The following KALRN variants were observed in gnomAD, a reference collection of about 807,000 sequenced individuals.
KALRN encodes kalirin RhoGEF kinase, also known as kalirin.
Under a neutral mutation model 353.7 loss-of-function variants are expected in KALRN, and 70 were observed. That is an observed-to-expected ratio of 0.20 (90% CI 0.16 to 0.24). The LOEUF is 0.24. Ranked by LOEUF, KALRN falls within the 10% of genes least tolerant of loss-of-function variation. The pLI is 1.00. For missense variants in KALRN, 2,791 were observed against 3,756.7 expected, an observed-to-expected ratio of 0.74 and a Z score of 6.72; for synonymous variants, 1,391 against 1,434.8, an observed-to-expected ratio of 0.97 and a Z score of 0.69.
At chr3:124,564,189 A>C (rs1210251181) in intron 34 of KALRN, among the ~76,000 whole-genome samples, 17 of 131,442 alleles carry the variant, frequency 1.3e-4, no homozygotes, top group Admixed American at 5.9e-4. Context: ...TGGGCGACAG[A>C]GCGAAACTCC....
chr3:124,569,071 T>C (rs1401602537), intron 34 of KALRN, among the ~76,000 whole-genome samples: 1 of 152,194 alleles, frequency 6.6e-6, no homozygotes, highest in Non-Finnish European at 1.5e-5. Context: ...AGGACACCTG[T>C]GTTCCTTTTC....
chr3:124,683,688 A>G (rs1352213304), intron 51 of KALRN, among the ~76,000 whole-genome samples: 2 of 152,228 alleles, frequency 1.3e-5, no homozygotes, highest in Non-Finnish European at 2.9e-5. Context: ...GCCATTCAAC[A>G]TGCCACTGGC....
At chr3:124,284,515 C>G (rs1472209632) in intron 5 of KALRN, among the ~76,000 whole-genome samples, 1 of 152,220 alleles carries the variant, frequency 6.6e-6, no homozygotes, top group African/African-American at 2.4e-5. Flanking sequence ...CCTATCTCTG[C>G]CAAGTTGGAC....
rs2063797258 is a variant in KALRN, at chr3:124,496,015, ACACAC to A, written c.4833-295_4833-291del. 1.8e-4 allele frequency among the ~76,000 whole-genome samples: 6 copies of A among 33,956 alleles called. 1 individual carries two copies. The East Asian group carries it at 6.5e-3, about 37-fold the overall frequency. 22.3% of individuals were successfully genotyped at this position (33,956 alleles called of 152,430 possible). On this transcript the variant is annotated intron_variant, in intron 32 of 59. Transcript: ENST00000682506. ...TATATATATATATATATATATATAC[ACACAC>A]ATATATACATACATACACCCCCTCT...
chr3:124,646,659 G>A (rs1438973153), intron 37 of KALRN, among the ~76,000 whole-genome samples: 2 of 149,978 alleles, frequency 1.3e-5, no homozygotes, highest in Non-Finnish European at 3.0e-5. Flanking sequence ...CCAAAGTGTT[G>A]GGATTACGGG....
In KALRN at chr3:124,719,483, C is replaced by G. The variant is rs763064089; in HGVS notation, c.*13C>G. ...CCAAGGGACGTAGCCATCTCCCAGC[C>G]CCTATGGTTTCACATAGACGTGCAG... On this transcript the variant is annotated 3_prime_UTR_variant, in exon 60 of 60. Transcript: ENST00000682506. This position sits in a 1 kb window ranked among gnomAD's most constrained non-coding sequence, Gnocchi z 5.3. 1 of 1,604,420 alleles carries G rather than the reference C, an allele frequency of 6.2e-7. No individual in the cohort carries two copies. The highest frequency in any genetic ancestry group is 1.3e-5 in the African/African-American group (1 of 74,790).
At chr3:124,042,739 G>C (rs1396679640) in intron 1 of KALRN, among the ~76,000 whole-genome samples, 1 of 152,126 alleles carries the variant, frequency 6.6e-6, no homozygotes, top group Non-Finnish European at 1.5e-5. Flanking sequence ...TGGAGAATTT[G>C]CTTTGGGACA....
chr3:124,366,408 T>A (rs2084698058), intron 10 of KALRN, among the ~76,000 whole-genome samples: 1 of 149,188 alleles, frequency 6.7e-6, no homozygotes, highest in Non-Finnish European at 1.5e-5. Flanking sequence ...TGATGACTCT[T>A]AACGAGCATG....
chr3:124,126,234 C>G (rs938313553), intron 1 of KALRN, among the ~76,000 whole-genome samples: 3 of 151,648 alleles, frequency 2.0e-5, no homozygotes, highest in Admixed American at 6.6e-5. Flanking sequence ...GTGAAATTTT[C>G]CAAACTTGAA....
intron 37 of KALRN, among the ~76,000 whole-genome samples, chr3:124,648,804 G>C (rs1288680048): frequency 6.6e-6 from 1 of 152,196 alleles, no homozygotes; most frequent in East Asian, 1.9e-4. Flanking sequence ...GGCACCAGGA[G>C]ACATGTCATT....
At chr3:124,540,611 G>A (rs1469133629) in intron 33 of KALRN, among the ~76,000 whole-genome samples, 1 of 152,194 alleles carries the variant, frequency 6.6e-6, no homozygotes, top group African/African-American at 2.4e-5. Flanking sequence ...TTTTACAGAT[G>A]CAATAACCGT....
chr3:124,143,014 A>G (rs2066828914), intron 1 of KALRN, among the ~76,000 whole-genome samples: 1 of 151,356 alleles, frequency 6.6e-6, no homozygotes, highest in South Asian at 2.1e-4. Flanking sequence ...TCACTTTTCT[A>G]CCCTCAGCAC....
chr3:124,575,312 C>T (rs1201786135), intron 34 of KALRN, among the ~76,000 whole-genome samples: 3 of 152,216 alleles, frequency 2.0e-5, no homozygotes, highest in African/African-American at 4.8e-5. Context: ...CAGATAATTG[C>T]CCCGTTGCTT....
At chr3:124,404,986 A>T (rs78244137) in intron 13 of KALRN, among the ~76,000 whole-genome samples, 1,656 of 152,246 alleles carry the variant, frequency 0.011, 16 homozygotes, top group Middle Eastern at 0.037. Flanking sequence ...AGAAGCTAAG[A>T]TCTATTTGAG....
rs767546355 is a variant in KALRN, at chr3:124,488,185, C to T, written c.4285-19C>T. The T allele has an allele frequency of 1.9e-5, 29 of 1,554,412 alleles. No homozygotes were observed. Among genetic ancestry groups the T allele is most frequent in the South Asian group, 4.5e-5 (4 of 89,298 alleles). ...TGGGGGAGATGGCCCTAATTATGTCCGGACTTTTTTTTCCCCAGGAACTTT... is the reference window on the plus strand; with the variant it reads ...TGGGGGAGATGGCCCTAATTATGTCTGGACTTTTTTTTCCCCAGGAACTTT... On this transcript the variant is annotated intron_variant, in intron 28 of 59. Coordinates refer to ENST00000682506, the MANE Select transcript of KALRN (RefSeq NM_001388419.1).
At chr3:124,275,194 G>T (rs1230752475) in intron 5 of KALRN, among the ~76,000 whole-genome samples, 1 of 152,170 alleles carries the variant, frequency 6.6e-6, no homozygotes, top group Non-Finnish European at 1.5e-5. Flanking sequence ...TAGCTTTGGA[G>T]GTGGTGATGA....
rs1209328309 is a variant in KALRN at position 124,642,802 on chromosome 3, C to CTTTGTTTTTTTTTTGTT, written c.5664+5499_5664+5500insTTTGTTTTTTTTTTGTT. On this transcript the variant is annotated intron_variant, in intron 37 of 59. Transcript: ENST00000682506. ...TGCTTCTGTGGAAGAGATTCCCAAG[C>CTTTGTTTTTTTTTTGTT]CTCGTTTTTTTTTTTTTTTTTTTTG... Among the ~76,000 whole-genome samples the CTTTGTTTTTTTTTTGTT allele has an allele frequency of 2.8e-4, 17 of 60,060 alleles. 1 individual carries two copies. The highest frequency in any genetic ancestry group is 7.3e-4 in the African/African-American group (9 of 12,344). The allele number at this position is 60,060 out of a possible 152,430, so 39.4% of individuals were successfully genotyped here.
chr3:124,329,320 T>C (rs2080260417), intron 7 of KALRN, among the ~76,000 whole-genome samples: 1 of 152,194 alleles, frequency 6.6e-6, no homozygotes, highest in African/African-American at 2.4e-5. Context: ...GACCCAACAG[T>C]GGGAGACCTG....
chr3:124,391,122 A>G (rs1396383271), intron 11 of KALRN, among the ~76,000 whole-genome samples: 1 of 152,240 alleles, frequency 6.6e-6, no homozygotes. Context: ...AAAACCATCT[A>G]CATGTATATA....
Sources: gnomAD v4.1 joint callset for allele counts (sites outside exome capture counted in the v4.1 genomes callset) on GRCh38, gnomAD v4.1.1 for gene constraint, Gnocchi (gnomAD v3.1) non-coding constraint, MANE v1.5 for transcripts, NCBI Gene and HGNC (gene_info 2026-07-23, HGNC 2026-07-21) for gene names.